Variants in PHACTR1 observed in about 807,000 individuals in gnomAD.
PHACTR1 encodes the protein phosphatase and actin regulator 1, also known as RPEL repeat containing 1.
Under a neutral mutation model 69.2 loss-of-function variants are expected in PHACTR1, and 16 were observed. The observed-to-expected ratio is 0.23, with a 90% CI of 0.16 to 0.35. PHACTR1 has a LOEUF of 0.35. Ranked by LOEUF, PHACTR1 falls within the 10% of genes least tolerant of loss-of-function variation. PHACTR1 has a pLI of 1.00. For synonymous variants in PHACTR1, 312 were observed against 284.5 expected (o/e 1.10, Z -0.97); for missense variants, 510 against 734.7 (o/e 0.69, Z 3.54).
Position 13,034,586 on chromosome 6 carries a change from G to T in PHACTR1, c.251-18779G>T, listed in dbSNP as rs1413578813. Among the ~76,000 whole-genome samples the T allele has an allele frequency of 2.6e-5, 4 of 152,128 alleles. No homozygotes were observed. In the East Asian group the frequency reaches 7.7e-4, roughly 29 times the overall value. ...GGCTGAGTTCTGCAGATAATTAAAAGAAAAATTCCTGTTACTGGTATTAGG... is the reference window on the plus strand; with the variant it reads ...GGCTGAGTTCTGCAGATAATTAAAATAAAAATTCCTGTTACTGGTATTAGG... On this transcript the variant is annotated intron_variant, in intron 4 of 14. Coordinates refer to ENST00000332995, the MANE Select transcript of PHACTR1 (RefSeq NM_030948.6).
At chr6:12,926,406 C>T (rs1470064071) in intron 4 of PHACTR1, among the ~76,000 whole-genome samples, 1 of 152,216 alleles carries the variant, frequency 6.6e-6, no homozygotes. Context: ...CAGTTCTACC[C>T]TGTTAACCAA....
chr6:12,728,845 G>A (rs543367879), intron 3 of PHACTR1, among the ~76,000 whole-genome samples: 15 of 152,234 alleles, frequency 9.9e-5, no homozygotes, highest in African/African-American at 3.4e-4. Context: ...AGAGCAAGCA[G>A]TACAAGAAAA....
chr6:12,815,095 A>T (rs1166748299), intron 4 of PHACTR1, among the ~76,000 whole-genome samples: 1 of 152,210 alleles, frequency 6.6e-6, no homozygotes, highest in Non-Finnish European at 1.5e-5. Context: ...CTTTGCTTTG[A>T]GTTACAGTTC....
At chr6:13,190,527 T>A (rs1018980070) in intron 7 of PHACTR1, among the ~76,000 whole-genome samples, 1 of 152,104 alleles carries the variant, frequency 6.6e-6, no homozygotes, top group Non-Finnish European at 1.5e-5. Context: ...TATCTAGTTC[T>A]TCAAAAATTA....
chr6:13,280,935 AGAG>A, intron 12 of PHACTR1: 2 of 1,287,730 alleles, frequency 1.6e-6, no homozygotes, highest in Non-Finnish European at 2.0e-6. Context: ...CCATGCACAC[AGAG>A]GAGCGTCCTG....
At chr6:13,072,548 T>C (rs982387572) in intron 5 of PHACTR1, among the ~76,000 whole-genome samples, 3 of 152,182 alleles carry the variant, frequency 2.0e-5, no homozygotes, top group Non-Finnish European at 2.9e-5. Context: ...TTTACCTCTC[T>C]CTTTTTTGTT....
At chr6:12,962,157 T>C in intron 4 of PHACTR1, among the ~76,000 whole-genome samples, 1 of 152,162 alleles carries the variant, frequency 6.6e-6, no homozygotes, top group Non-Finnish European at 1.5e-5. Flanking sequence ...GCTGGTCTCA[T>C]ACTCCTGGGC....
At chr6:12,851,214 G>T (rs771265314) in intron 4 of PHACTR1, among the ~76,000 whole-genome samples, 26 of 152,330 alleles carry the variant, frequency 1.7e-4, no homozygotes, top group Non-Finnish European at 2.8e-4. Context: ...TACCAGGGAA[G>T]TGGGTGCTGA....
chr6:12,854,935 G>A (rs1780195300), intron 4 of PHACTR1, among the ~76,000 whole-genome samples: 1 of 152,150 alleles, frequency 6.6e-6, no homozygotes, highest in Admixed American at 6.5e-5. Context: ...CGTTGTTGGT[G>A]GGAACGCAAA....
At chr6:13,230,849 T>C (rs1296910786) in intron 10 of PHACTR1, among the ~76,000 whole-genome samples, 3 of 152,050 alleles carry the variant, frequency 2.0e-5, no homozygotes, top group Non-Finnish European at 4.4e-5. Context: ...AAACCCCATC[T>C]CTACATAAAA....
chr6:13,025,009 A>G (rs1029052675), intron 4 of PHACTR1, among the ~76,000 whole-genome samples: 1 of 152,174 alleles, frequency 6.6e-6, no homozygotes, highest in African/African-American at 2.4e-5. Context: ...AAAAAGGAGT[A>G]TCAGGCCAGG....
intron 4 of PHACTR1, among the ~76,000 whole-genome samples, chr6:12,889,542 T>C (rs1783962335): frequency 6.6e-6 from 1 of 152,212 alleles, no homozygotes; most frequent in Non-Finnish European, 1.5e-5. Flanking sequence ...TTGGGAGTAG[T>C]TTGGCAGCAA....
intron 10 of PHACTR1, among the ~76,000 whole-genome samples, chr6:13,233,993 A>G (rs1173257277): frequency 6.6e-6 from 1 of 152,236 alleles, no homozygotes. Flanking sequence ...GCAAAGTTGT[A>G]CAGAGATCAG....
intron 4 of PHACTR1, among the ~76,000 whole-genome samples, chr6:13,030,208 G>C (rs1239463152): frequency 8.0e-6 from 1 of 124,736 alleles, no homozygotes; most frequent in Non-Finnish European, 1.8e-5. Flanking sequence ...TCATGCTTGT[G>C]AGTGCAACAG....
At chr6:13,025,490 T>C (rs1221360427) in intron 4 of PHACTR1, among the ~76,000 whole-genome samples, 1 of 152,150 alleles carries the variant, frequency 6.6e-6, no homozygotes, top group African/African-American at 2.4e-5. Flanking sequence ...TAAAAGTTGT[T>C]CCCTGCTGTC....
chr6:12,846,764 T>G (rs944804700), intron 4 of PHACTR1, among the ~76,000 whole-genome samples: 2 of 151,824 alleles, frequency 1.3e-5, no homozygotes, highest in African/African-American at 4.8e-5. Flanking sequence ...TTGTGGTAAT[T>G]GCAACTACAG....
intron 4 of PHACTR1, among the ~76,000 whole-genome samples, chr6:12,926,291 T>C (rs188465876): frequency 3.9e-5 from 6 of 152,348 alleles, no homozygotes; most frequent in Admixed American, 2.0e-4. Context: ...GACTCTTGTC[T>C]TTTCTCTCAG....
At chr6:12,995,713 A>C (rs1562108602) in intron 4 of PHACTR1, among the ~76,000 whole-genome samples, 2 of 152,042 alleles carry the variant, frequency 1.3e-5, no homozygotes, top group African/African-American at 4.8e-5. Flanking sequence ...AAGATGTAAA[A>C]ATTTAACAAA....
At chr6:13,162,881 C>T (rs960906085) in intron 6 of PHACTR1, among the ~76,000 whole-genome samples, 3 of 152,116 alleles carry the variant, frequency 2.0e-5, no homozygotes, top group Non-Finnish European at 4.4e-5. Context: ...TGAGAGCAGG[C>T]GCTGTGCCTC....
Sources: gnomAD v4.1 joint callset for allele counts (sites outside exome capture counted in the v4.1 genomes callset) on GRCh38, gnomAD v4.1.1 for gene constraint, MANE v1.5 for transcripts, NCBI Gene and HGNC (gene_info 2026-07-23, HGNC 2026-07-21) for gene names.